The following IGF2BP2 variants were observed in gnomAD, a reference collection of about 807,000 sequenced individuals.
The protein encoded by IGF2BP2 is insulin-like growth factor 2 mRNA-binding protein 2.
In IGF2BP2, 17 loss-of-function variants were observed where a neutral mutation model predicts 75.8. That is an observed-to-expected ratio of 0.22 (90% CI 0.15 to 0.34). IGF2BP2 has a LOEUF of 0.34. Ranked by LOEUF, IGF2BP2 falls within the 10% of genes least tolerant of loss-of-function variation. The pLI is 1.00. For synonymous variants in IGF2BP2, 288 were observed against 295.6 expected (o/e 0.97, Z 0.26); for missense variants, 516 against 772.4 (o/e 0.67, Z 3.93).
intron 2 of IGF2BP2, among the ~76,000 whole-genome samples, chr3:185,716,128 G>A (rs1725572254): frequency 6.6e-6 from 1 of 151,662 alleles, no homozygotes; most frequent in Non-Finnish European, 1.5e-5. Flanking sequence ...TATTAGGAAT[G>A]TTTTAGGTTA....
At chr3:185,665,290 A>G (rs866893040) in intron 10 of IGF2BP2, among the ~76,000 whole-genome samples, 360 of 98,338 alleles carry the variant, frequency 3.7e-3, no homozygotes, top group African/African-American at 0.013. Context: ...GAAGAAGAAG[A>G]AGGAGGAGAA....
chr3:185,714,824 C>G (rs953664618), intron 2 of IGF2BP2, among the ~76,000 whole-genome samples: 2 of 152,198 alleles, frequency 1.3e-5, no homozygotes, highest in African/African-American at 4.8e-5. Context: ...CCCATTCACT[C>G]TGGGAAACTT....
At chr3:185,756,030 G>A (rs1456425254) in intron 2 of IGF2BP2, among the ~76,000 whole-genome samples, 4 of 152,162 alleles carry the variant, frequency 2.6e-5, no homozygotes, top group Non-Finnish European at 4.4e-5. Flanking sequence ...CAAATCTCAT[G>A]TTGAAATGTG....
intron 2 of IGF2BP2, among the ~76,000 whole-genome samples, chr3:185,756,049 T>C (rs1223106671): frequency 2.0e-5 from 3 of 152,194 alleles, no homozygotes; most frequent in African/African-American, 7.2e-5. Flanking sequence ...TGATCCTCAT[T>C]GCTGGAAATG....
At chr3:185,671,906 GC>G (rs1718566741) in intron 10 of IGF2BP2, among the ~76,000 whole-genome samples, 1 of 152,172 alleles carries the variant, frequency 6.6e-6, no homozygotes, top group Admixed American at 6.5e-5. Flanking sequence ...AGTATCCTGA[GC>G]CCCCAATTTG....
At chr3:185,749,990 G>C (rs1181067705) in intron 2 of IGF2BP2, among the ~76,000 whole-genome samples, 2 of 152,178 alleles carry the variant, frequency 1.3e-5, no homozygotes, top group Non-Finnish European at 2.9e-5. Context: ...TTGTAGGTAA[G>C]GACTATCTCC....
intron 10 of IGF2BP2, among the ~76,000 whole-genome samples, chr3:185,665,312 A>AG (rs1717200367): frequency 8.8e-6 from 1 of 114,194 alleles, no homozygotes; most frequent in African/African-American, 3.7e-5. Context: ...GAGAAGGAGC[A>AG]GAAGGAGAAG....
At chr3:185,741,616 G>A (rs1729566754) in intron 2 of IGF2BP2, among the ~76,000 whole-genome samples, 1 of 152,158 alleles carries the variant, frequency 6.6e-6, no homozygotes, top group African/African-American at 2.4e-5. Flanking sequence ...CAGATAAGGA[G>A]AACTCAACCC....
intron 7 of IGF2BP2, among the ~76,000 whole-genome samples, chr3:185,682,058 G>A (rs1720467043): frequency 6.6e-6 from 1 of 152,240 alleles, no homozygotes; most frequent in African/African-American, 2.4e-5. Context: ...AATTAGACCA[G>A]TGGGAGTACA....
At chr3:185,807,734 T>C (rs1326555747) in intron 2 of IGF2BP2, among the ~76,000 whole-genome samples, 1 of 152,202 alleles carries the variant, frequency 6.6e-6, no homozygotes, top group African/African-American at 2.4e-5. Flanking sequence ...GTGATGTCAC[T>C]CTCCTTGGCT....
intron 2 of IGF2BP2, among the ~76,000 whole-genome samples, chr3:185,737,162 T>C (rs1025456733): frequency 5.9e-5 from 9 of 152,224 alleles, no homozygotes; most frequent in Non-Finnish European, 1.0e-4. Flanking sequence ...TGTTATCATA[T>C]CCCCTTTAAT....
chr3:185,748,994 T>C (rs906290118), intron 2 of IGF2BP2, among the ~76,000 whole-genome samples: 1 of 152,006 alleles, frequency 6.6e-6, no homozygotes, highest in Non-Finnish European at 1.5e-5. Flanking sequence ...TGAAATCCCA[T>C]CTCTACTAAA....
Position 185,754,327 on chromosome 3 carries a change from T to A in IGF2BP2, c.240-55980A>T, listed in dbSNP as rs139923697. 4.8e-3 allele frequency among the ~76,000 whole-genome samples: 724 copies of A among 152,158 alleles called. 3 individuals carry two copies. The highest frequency in any genetic ancestry group is 0.016 in the African/African-American group (680 of 41,508). ...CCATGACTAGAAGCTTCCACAGGCCTCAACAGAAGCCAAGCAGAAGCAAGC... is the reference window on the plus strand; with the variant it reads ...CCATGACTAGAAGCTTCCACAGGCCACAACAGAAGCCAAGCAGAAGCAAGC... On this transcript the variant is annotated intron_variant, in intron 2 of 15. Coordinates refer to ENST00000382199, the MANE Select transcript of IGF2BP2 (RefSeq NM_006548.6).
intron 7 of IGF2BP2, among the ~76,000 whole-genome samples, chr3:185,686,491 G>A (rs1195357631): frequency 1.3e-5 from 2 of 152,044 alleles, no homozygotes; most frequent in African/African-American, 4.8e-5. Context: ...ACTACTTAAG[G>A]AAATGTAATC....
At chr3:185,678,380 A>G (rs961929153) in intron 7 of IGF2BP2, among the ~76,000 whole-genome samples, 1 of 152,230 alleles carries the variant, frequency 6.6e-6, no homozygotes, top group Non-Finnish European at 1.5e-5. Context: ...GGAGAAATTA[A>G]GATTCCCAGA....
chr3:185,799,564 C>T (rs533732627), intron 2 of IGF2BP2, among the ~76,000 whole-genome samples: 4 of 152,116 alleles, frequency 2.6e-5, no homozygotes, highest in South Asian at 4.2e-4. Flanking sequence ...CTGGCTAACA[C>T]GGTGAAACCC....
intron 6 of IGF2BP2, 79 bp from the exon 7 acceptor site, chr3:185,687,270 C>T: frequency 7.1e-7 from 1 of 1,415,172 alleles, no homozygotes. Context: ...TCACACCAAC[C>T]CATGTACAGC....
chr3:185,750,050 T>C (rs1730760604), intron 2 of IGF2BP2, among the ~76,000 whole-genome samples: 1 of 152,210 alleles, frequency 6.6e-6, no homozygotes. Flanking sequence ...CCTGGAAGAC[T>C]TGTTAACAAG....
At chr3:185,814,813 C>G (rs887582348) in intron 2 of IGF2BP2, among the ~76,000 whole-genome samples, 3 of 152,014 alleles carry the variant, frequency 2.0e-5, no homozygotes, top group African/African-American at 7.3e-5. Flanking sequence ...GCATAAGATA[C>G]TTAAGTATTG....
Sources: allele counts gnomAD v4.1 joint callset (sites outside exome capture counted in the v4.1 genomes callset), GRCh38; gene constraint gnomAD v4.1.1; transcripts MANE v1.5; gene names NCBI Gene and HGNC (gene_info 2026-07-23, HGNC 2026-07-21).